FAT3: variants seen among roughly 807,000 people sequenced by gnomAD.
The protein encoded by FAT3 is FAT atypical cadherin 3, also known as protocadherin Fat 3.
FAT3 carries 95 observed loss-of-function variants against 310.2 expected under a neutral mutation model. That is an observed-to-expected ratio of 0.31 (90% CI 0.26 to 0.36). The LOEUF (loss-of-function observed/expected upper bound fraction) is 0.36. FAT3 is among the 10% of genes least tolerant of loss of function. The pLI, the probability that FAT3 is intolerant of heterozygous loss-of-function variation, is 1.00. For missense variants in FAT3, 5,408 were observed against 5,715.6 expected, an observed-to-expected ratio of 0.95 and a Z score of 1.74; for synonymous variants, 2,314 against 2,192.9, an observed-to-expected ratio of 1.06 and a Z score of -1.54.
At chr11:92,288,653 A>T (rs894429311) in intron 1 of FAT3, among the ~76,000 whole-genome samples, 11 of 152,200 alleles carry the variant, frequency 7.2e-5, no homozygotes, top group African/African-American at 2.6e-4. Flanking sequence ...CTGTATTATA[A>T]ACTGACATGT....
chr11:92,433,530 AC>A (rs945104323), intron 2 of FAT3, among the ~76,000 whole-genome samples: 16 of 151,894 alleles, frequency 1.1e-4, no homozygotes, highest in African/African-American at 3.9e-4. Context: ...GCGATGCCCC[AC>A]CCTACTTTTG....
At chr11:92,256,929 C>T (rs866964266) in intron 1 of FAT3, among the ~76,000 whole-genome samples, 26 of 152,062 alleles carry the variant, frequency 1.7e-4, no homozygotes, top group African/African-American at 6.3e-4. Context: ...ATAATCTCAG[C>T]TGTTGGGAAG....
intron 2 of FAT3, chr11:92,408,240 A>C (rs1950176688): frequency 6.6e-6 from 1 of 152,276 alleles, no homozygotes; most frequent in South Asian, 2.1e-4. Context: ...TAATCCTATC[A>C]GACCAAGACC....
Position 92,801,863 on chromosome 11 carries a change from CAG to C in FAT3, c.8854_8855del (p.Asp2952HisfsTer5). On this transcript the variant is annotated frameshift_variant, in exon 10 of 28. Transcript: ENST00000525166. LOFTEE classifies it high-confidence loss of function. ...EVVAVLSTWD[R>X]DTSDVNRQVS... ...TGGTAGCCGTCCTCAGCACCTGGGA[CAG>C]AGACACATCCGACGTTAATCGCCAA... The C allele has an allele frequency of 6.2e-7, 1 of 1,613,934 alleles. No homozygotes were observed. The highest frequency in any genetic ancestry group is 8.5e-7 in the Non-Finnish European group (1 of 1,179,846).
intron 4 of FAT3, among the ~76,000 whole-genome samples, chr11:92,718,401 G>A (rs1791559): frequency 0.31 from 47,392 of 151,776 alleles, 7,680 homozygotes; most frequent in Non-Finnish European, 0.33. Context: ...GGGTTCCTGC[G>A]CTCAAGCTGG....
chr11:92,706,905 A>G (rs895236389), intron 4 of FAT3, among the ~76,000 whole-genome samples: 1 of 152,226 alleles, frequency 6.6e-6, no homozygotes, highest in Non-Finnish European at 1.5e-5. Context: ...TTGTCCGCAC[A>G]GGCATTTCTA....
intron 3 of FAT3, among the ~76,000 whole-genome samples, chr11:92,658,972 C>T (rs1942678427): frequency 6.6e-6 from 1 of 151,888 alleles, no homozygotes; most frequent in Non-Finnish European, 1.5e-5. Flanking sequence ...ATCAACATTG[C>T]CATCATTTTC....
intron 1 of FAT3, among the ~76,000 whole-genome samples, chr11:92,324,238 C>CT (rs1182703901): frequency 1.3e-5 from 2 of 152,124 alleles, no homozygotes; most frequent in Non-Finnish European, 2.9e-5. Flanking sequence ...AGAATTTTTT[C>CT]TTTTCAGTCA....
At chr11:92,426,986 T>C (rs1488417123) in intron 2 of FAT3, among the ~76,000 whole-genome samples, 1 of 152,232 alleles carries the variant, frequency 6.6e-6, no homozygotes. Flanking sequence ...ATTTTCACGC[T>C]ATTGATTCTT....
chr11:92,870,386 T>C (rs1197938148), intron 22 of FAT3, among the ~76,000 whole-genome samples: 2 of 152,118 alleles, frequency 1.3e-5, no homozygotes, highest in Non-Finnish European at 2.9e-5. Flanking sequence ...GGGAGTCAGA[T>C]TCCAGAACAC....
At chr11:92,509,648 C>T (rs982067113) in intron 2 of FAT3, among the ~76,000 whole-genome samples, 1 of 152,102 alleles carries the variant, frequency 6.6e-6, no homozygotes, top group Non-Finnish European at 1.5e-5. Context: ...GACATCACTA[C>T]AGTCATTAAA....
chr11:92,267,879 A>T (rs1299773522), intron 1 of FAT3, among the ~76,000 whole-genome samples: 1 of 152,112 alleles, frequency 6.6e-6, no homozygotes, highest in East Asian at 1.9e-4. Context: ...ACATGTATTA[A>T]CACTTATTTA....
chr11:92,343,659 G>GA (rs1300122647), intron 1 of FAT3, among the ~76,000 whole-genome samples: 2 of 152,100 alleles, frequency 1.3e-5, no homozygotes, highest in Non-Finnish European at 2.9e-5. Context: ...TTTCTAGTGG[G>GA]AAAAAAGTTT....
chr11:92,442,082 TATATATATATA>T (rs1951078029), intron 2 of FAT3, among the ~76,000 whole-genome samples: 1 of 63,096 alleles, frequency 1.6e-5, no homozygotes, highest in African/African-American at 1.0e-4. Flanking sequence ...ATATATATTT[TATATATATATA>T]TATATATATA....
chr11:92,674,721 G>C (rs1943235273), intron 3 of FAT3, among the ~76,000 whole-genome samples: 1 of 151,796 alleles, frequency 6.6e-6, no homozygotes, highest in African/African-American at 2.4e-5. Context: ...TGGAGACGGG[G>C]TCTCGCTATG....
chr11:92,494,570 C>T (rs1952698807), intron 2 of FAT3, among the ~76,000 whole-genome samples: 1 of 151,842 alleles, frequency 6.6e-6, no homozygotes, highest in South Asian at 2.1e-4. Context: ...TATGCATCTT[C>T]TTATTTAATT....
chr11:92,323,585 CTTTTTTTTTT>C (rs1206086265), intron 1 of FAT3, among the ~76,000 whole-genome samples: 1 of 133,840 alleles, frequency 7.5e-6, no homozygotes, highest in Non-Finnish European at 1.6e-5. Context: ...CTTTTTTTTT[CTTTTTTTTTT>C]TTTTTTCTGA....
chr11:92,390,071 A>G (rs1949714300), intron 2 of FAT3, among the ~76,000 whole-genome samples: 1 of 152,108 alleles, frequency 6.6e-6, no homozygotes, highest in Non-Finnish European at 1.5e-5. Flanking sequence ...CAAAAATGAC[A>G]GTTTTAAAAG....
intron 2 of FAT3, among the ~76,000 whole-genome samples, chr11:92,478,641 G>C (rs1304621925): frequency 6.6e-6 from 1 of 151,810 alleles, no homozygotes; most frequent in African/African-American, 2.4e-5. Context: ...TTCTGAGACA[G>C]AGTCTCGCTC....
Sources: gnomAD v4.1 joint callset for allele counts (sites outside exome capture counted in the v4.1 genomes callset) on GRCh38, gnomAD v4.1.1 for gene constraint, MANE v1.5 for transcripts, NCBI Gene and HGNC (gene_info 2026-07-23, HGNC 2026-07-21) for gene names.